Variants in SFI1 observed in about 807,000 individuals in gnomAD.
SFI1 encodes the protein SFI1 centrin binding protein, also known as protein SFI1 homolog.
Under a neutral mutation model 207.5 loss-of-function variants are expected in SFI1, and 195 were observed. The ratio of observed to expected loss-of-function variants is 0.94; its 90% CI spans 0.84 to 1.06. The LOEUF is 1.06. SFI1 is among the 50% of genes least tolerant of loss of function. The probability of loss-of-function intolerance (pLI) is 0.00; values close to 1 mark genes in which losing one functional copy is unlikely to be tolerated. For synonymous variants in SFI1, 630 were observed against 598.9 expected, an observed-to-expected ratio of 1.05 and a Z score of -0.76; for missense variants, 1,634 against 1,588.0, an observed-to-expected ratio of 1.03 and a Z score of -0.49.
At chr22:31,594,138 C>T (rs760280650) in intron 15 of SFI1, among the ~76,000 whole-genome samples, 23 of 152,290 alleles carry the variant, frequency 1.5e-4, no homozygotes, top group Admixed American at 3.9e-4. Context: ...GATCAGAGCA[C>T]GGTGGGACCT....
chr22:31,518,612 C>T (rs1020133406), intron 2 of SFI1, among the ~76,000 whole-genome samples: 3 of 152,160 alleles, frequency 2.0e-5, no homozygotes, highest in East Asian at 1.9e-4. Flanking sequence ...TTATGTTTGT[C>T]GTCCCTTTGT....
chr22:31,533,110 G>C (rs2058676054), intron 4 of SFI1, among the ~76,000 whole-genome samples: 1 of 152,200 alleles, frequency 6.6e-6, no homozygotes, highest in Non-Finnish European at 1.5e-5. Context: ...CAGTTGAAGG[G>C]TTGGTGGTCT....
intron 14 of SFI1, among the ~76,000 whole-genome samples, chr22:31,586,696 G>A (rs896035309): frequency 2.6e-5 from 4 of 152,222 alleles, no homozygotes; most frequent in Non-Finnish European, 4.4e-5. Context: ...AAGACTATGA[G>A]TGTCAGAGTT....
At chr22:31,561,889 T>C (rs910676065) in intron 8 of SFI1, among the ~76,000 whole-genome samples, 3 of 152,214 alleles carry the variant, frequency 2.0e-5, no homozygotes, top group African/African-American at 7.2e-5. Context: ...TGACATATTC[T>C]CTGAATTCTT....
rs767676448 is a variant in SFI1 at position 31,604,348 on chromosome 22, C to T, written c.1921C>T (p.Arg641Ter). Residue 641 changes from arginine (R) to a stop codon, truncating the protein, a stop_gained, in exon 19 of 33, where the codon CGA (arginine) becomes TGA (stop). Transcript: ENST00000400288. LOFTEE classifies it high-confidence loss of function. ...GGGAGCGGAGCGGCAGAAGCTGATG[C>T]GAGCAGACCTGCACCACCAGCACAG... is the stretch of plus-strand genomic sequence containing the variant. ...LRGAERQKLM[R>*]ADLHHQHSVL... is the part of the protein sequence containing the mutation. 6 of 1,580,096 alleles carry T rather than the reference C, an allele frequency of 3.8e-6. No homozygotes were observed. The highest frequency in any genetic ancestry group is 3.6e-5 in the Admixed American group (2 of 55,544).
chr22:31,528,988 G>A, intron 3 of SFI1, 125 bp downstream of exon 3: 2 of 900,598 alleles, frequency 2.2e-6, no homozygotes, highest in Non-Finnish European at 1.7e-6. Context: ...CCTGTTCTTG[G>A]TAGTAGAATG....
intron 15 of SFI1, among the ~76,000 whole-genome samples, chr22:31,591,898 AG>A (rs1292610624): frequency 3.0e-5 from 1 of 33,636 alleles, no homozygotes; most frequent in Non-Finnish European, 5.1e-5. Context: ...CTGGCCGGGC[AG>A]GGGGGCTGAC....
At chr22:31,526,853 G>A (rs187261283) in intron 2 of SFI1, among the ~76,000 whole-genome samples, 3 of 151,840 alleles carry the variant, frequency 2.0e-5, no homozygotes, top group Non-Finnish European at 4.4e-5. Context: ...TTGAGCTACC[G>A]TGCCTGGCCA....
At chr22:31,513,561 C>CGTTTCGTTTT (rs1555942775) in intron 2 of SFI1, among the ~76,000 whole-genome samples, 2 of 146,132 alleles carry the variant, frequency 1.4e-5, no homozygotes, top group East Asian at 2.1e-4. Flanking sequence ...TTTGGTTTTT[C>CGTTTCGTTTT]GTTTTGTTTT....
At chr22:31,604,219 C>A in intron 18 of SFI1, 90 bp from the exon 19 acceptor site, 1 of 972,378 alleles carries the variant, frequency 1.0e-6, no homozygotes, top group Non-Finnish European at 1.6e-6. Flanking sequence ...TTTACACTCA[C>A]ACAGATGATG....
chr22:31,576,964 CT>C (rs1210093687), intron 10 of SFI1, among the ~76,000 whole-genome samples: 7 of 152,266 alleles, frequency 4.6e-5, no homozygotes, highest in African/African-American at 1.4e-4. Flanking sequence ...ATCACTACCC[CT>C]ACCATACTGT....
At chr22:31,551,412 CCT>C (rs1448385352) in intron 6 of SFI1, among the ~76,000 whole-genome samples, 1 of 152,148 alleles carries the variant, frequency 6.6e-6, no homozygotes, top group Non-Finnish European at 1.5e-5. Context: ...TGATCTTTCC[CCT>C]GTCTGTATTC....
chr22:31,596,180 G>T lies in SFI1; in HGVS notation c.1545-6032G>T, dbSNP rs139275736. Among the ~76,000 whole-genome samples the T allele has an allele frequency of 1.2e-4, 19 of 152,284 alleles. No homozygotes were observed. In the East Asian group the frequency reaches 3.7e-3, roughly 29 times the overall value. On this transcript the variant is annotated intron_variant, in intron 15 of 32. Transcript: ENST00000400288. ...AGGCACAAGAATCACTTTAACCCAG[G>T]AGGCAGAGGCTACAGTGAGTTGAGA...
At chr22:31,536,578 A>AT (rs763927980) in intron 4 of SFI1, among the ~76,000 whole-genome samples, 3 of 151,984 alleles carry the variant, frequency 2.0e-5, no homozygotes, top group Non-Finnish European at 4.4e-5. Flanking sequence ...TGCTCTGCTA[A>AT]TTTTTTGTGT....
intron 7 of SFI1, 112 bp from the exon 8 acceptor site, chr22:31,561,178 A>G (rs1391740790): frequency 1.8e-5 from 14 of 770,628 alleles, no homozygotes; most frequent in Non-Finnish European, 2.9e-5. Flanking sequence ...TAGAGATGGT[A>G]CTATGAAGGA....
intron 4 of SFI1, among the ~76,000 whole-genome samples, chr22:31,535,138 A>C (rs2058856920): frequency 6.8e-6 from 1 of 146,450 alleles, no homozygotes; most frequent in Non-Finnish European, 1.5e-5. Flanking sequence ...AAGTGCCGGG[A>C]TTACAGGCAT....
At chr22:31,570,046 G>A (rs2062787241) in intron 8 of SFI1, among the ~76,000 whole-genome samples, 1 of 151,916 alleles carries the variant, frequency 6.6e-6, no homozygotes, top group Admixed American at 6.6e-5. Flanking sequence ...AAGCCCAGGA[G>A]GTTGAGGCTG....
At position 31,615,116 on chromosome 22, in the gene SFI1, TC is replaced by T. The variant is rs776363637; in HGVS notation, c.3139del (p.Leu1047TrpfsTer140). The T allele has an allele frequency of 6.2e-7, 1 of 1,608,164 alleles. No individual in the cohort carries two copies. The highest frequency in any genetic ancestry group is 8.5e-7 in the Non-Finnish European group (1 of 1,177,534). On this transcript the variant is annotated frameshift_variant, in exon 29 of 33. Transcript: ENST00000400288. LOFTEE classifies it high-confidence loss of function. ...QPAAPSLTRP[F>X]LAEAPTALVP... ...GCAGCCCCCTCCCTGACGCGGCCCT[TC>T]CTGGCAGAGGCCCCGACAGCACTGG...
intron 2 of SFI1, among the ~76,000 whole-genome samples, chr22:31,518,369 T>C (rs888663318): frequency 2.0e-5 from 3 of 152,228 alleles, no homozygotes; most frequent in Admixed American, 6.6e-5. Flanking sequence ...TGTATTGTAC[T>C]GAGTTCTCCA....
Sources: gnomAD v4.1 joint callset for allele counts (sites outside exome capture counted in the v4.1 genomes callset) on GRCh38, gnomAD v4.1.1 for gene constraint, MANE v1.5 for transcripts, NCBI Gene and HGNC (gene_info 2026-07-23, HGNC 2026-07-21) for gene names.